The following DOCK3 variants were observed in gnomAD, a reference collection of about 807,000 sequenced individuals.
DOCK3 encodes dedicator of cytokinesis 3, also known as dedicator of cytokinesis protein 3.
DOCK3 carries 60 observed loss-of-function variants against 265.6 expected under a neutral mutation model. That is an observed-to-expected ratio of 0.23 (90% CI 0.18 to 0.28). DOCK3 has a LOEUF of 0.28. Among genes scored for constraint, DOCK3 ranks in the 10% least tolerant of loss-of-function variants. The probability of loss-of-function intolerance (pLI) is 1.00; values close to 1 mark genes in which losing one functional copy is unlikely to be tolerated. For synonymous variants in DOCK3, 881 were observed against 938.0 expected (o/e 0.94, Z 1.11); for missense variants, 1,981 against 2,594.3 (o/e 0.76, Z 5.14).
intron 27 of DOCK3, among the ~76,000 whole-genome samples, chr3:51,294,362 A>G (rs2081955252): frequency 6.6e-6 from 1 of 152,164 alleles, no homozygotes; most frequent in African/African-American, 2.4e-5. Flanking sequence ...ATATGATCTC[A>G]CTTACGTGTA....
intron 5 of DOCK3, among the ~76,000 whole-genome samples, chr3:51,007,341 T>C (rs2078723269): frequency 6.6e-6 from 1 of 152,250 alleles, no homozygotes; most frequent in Admixed American, 6.5e-5. Context: ...TTGTATCTCA[T>C]TGTGGTTTTG....
At chr3:51,185,786 T>C (rs1393459333) in intron 12 of DOCK3, among the ~76,000 whole-genome samples, 2 of 152,196 alleles carry the variant, frequency 1.3e-5, no homozygotes, top group African/African-American at 4.8e-5. Context: ...AGGGAACTTC[T>C]CTGCACAAGC....
At chr3:51,112,326 AG>A (rs2083556560) in intron 9 of DOCK3, among the ~76,000 whole-genome samples, 1 of 152,232 alleles carries the variant, frequency 6.6e-6, no homozygotes, top group East Asian at 1.9e-4. Flanking sequence ...TAAGTAAAAA[AG>A]CCAGACTCAA....
chr3:51,152,634 A>G (rs1408055132), intron 10 of DOCK3, among the ~76,000 whole-genome samples: 2 of 152,048 alleles, frequency 1.3e-5, no homozygotes, highest in South Asian at 2.1e-4. Context: ...TTGTGGTTTT[A>G]TCTAACTTTG....
In DOCK3 at chr3:51,146,647, T is replaced by C; in HGVS notation, c.828+17T>C. ...CTTTTTACAGTATGTACGAATTCTCTTTTTCTTCTTTGCTGTTGACTCTAA... is the reference window on the plus strand; with the variant it reads ...CTTTTTACAGTATGTACGAATTCTCCTTTTCTTCTTTGCTGTTGACTCTAA... On this transcript the variant is annotated intron_variant, in intron 10 of 52. Transcript: ENST00000266037. 1 of 1,563,694 alleles carries C rather than the reference T, an allele frequency of 6.4e-7. No individual in the cohort carries two copies. The highest frequency in any genetic ancestry group is 8.7e-7 in the Non-Finnish European group (1 of 1,152,876).
intron 9 of DOCK3, among the ~76,000 whole-genome samples, chr3:51,146,310 AAC>A (rs1233749720): frequency 8.5e-5 from 13 of 152,176 alleles, no homozygotes; most frequent in Admixed American, 8.5e-4. Flanking sequence ...AAACAGATAA[AAC>A]ACACAGCTAC....
At chr3:50,845,633 C>T (rs898245164) in intron 3 of DOCK3, among the ~76,000 whole-genome samples, 3 of 152,082 alleles carry the variant, frequency 2.0e-5, no homozygotes, top group Admixed American at 6.6e-5. Context: ...ACTTTGGCAA[C>T]AGGGAATCTG....
chr3:51,367,055 T>C (rs1358229332), intron 49 of DOCK3, among the ~76,000 whole-genome samples: 2 of 152,240 alleles, frequency 1.3e-5, no homozygotes, highest in Non-Finnish European at 2.9e-5. Flanking sequence ...GTTAACTTTC[T>C]GTCTCATTGA....
intron 4 of DOCK3, among the ~76,000 whole-genome samples, chr3:50,931,967 C>G (rs1343414385): frequency 6.6e-6 from 1 of 152,180 alleles, no homozygotes; most frequent in African/African-American, 2.4e-5. Flanking sequence ...TGAAACTTTT[C>G]TGCTGGATTC....
intron 1 of DOCK3, among the ~76,000 whole-genome samples, chr3:50,737,610 A>G (rs187130481): frequency 1.3e-4 from 20 of 152,080 alleles, no homozygotes; most frequent in Admixed American, 1.2e-3. Flanking sequence ...AGTTCATTTC[A>G]TTCTTTTCTT....
In DOCK3 at chr3:51,374,293, CA is replaced by C. The variant is rs2087917324; in HGVS notation, c.5294-175del. Among the ~76,000 whole-genome samples, 1 of 152,182 alleles carries C rather than the reference CA, an allele frequency of 6.6e-6. No individual in the cohort carries two copies. The highest frequency in any genetic ancestry group is 2.4e-5 in the African/African-American group (1 of 41,446). The stretch of plus-strand genomic sequence containing the variant: ...CCTTGGCTGGGACATGAGGTGCAGC[CA>C]CTGCCACCATCTAACAACCAGACTC... On this transcript the variant is annotated intron_variant, in intron 49 of 52. Coordinates refer to ENST00000266037, the MANE Select transcript of DOCK3 (RefSeq NM_004947.5). The surrounding 1 kb of genome is among the most constrained non-coding windows in gnomAD (Gnocchi z 4.8).
At chr3:51,140,365 T>C (rs1016168725) in intron 9 of DOCK3, among the ~76,000 whole-genome samples, 2 of 152,242 alleles carry the variant, frequency 1.3e-5, no homozygotes, top group African/African-American at 4.8e-5. Context: ...TGTGGTCTTA[T>C]GTGATTGGCT....
At chr3:51,233,737 G>A (rs921761289) in intron 19 of DOCK3, among the ~76,000 whole-genome samples, 2 of 152,124 alleles carry the variant, frequency 1.3e-5, no homozygotes, top group Admixed American at 6.6e-5. Context: ...GTATTCCTAG[G>A]TATTTTTTGT....
intron 32 of DOCK3, among the ~76,000 whole-genome samples, chr3:51,327,560 A>G (rs1462234891): frequency 1.3e-5 from 2 of 151,998 alleles, no homozygotes; most frequent in Non-Finnish European, 2.9e-5. Context: ...TTGATTTTGC[A>G]TGCATTGATA....
chr3:50,825,245 A>G (rs1178858518), intron 2 of DOCK3, among the ~76,000 whole-genome samples: 1 of 152,226 alleles, frequency 6.6e-6, no homozygotes, highest in Non-Finnish European at 1.5e-5. Context: ...TACAGAGATT[A>G]TAAAATGTCA....
At chr3:51,272,106 C>T (rs1478073649) in intron 24 of DOCK3, among the ~76,000 whole-genome samples, 1 of 152,164 alleles carries the variant, frequency 6.6e-6, no homozygotes, top group Non-Finnish European at 1.5e-5. Context: ...TTCTGCCTTG[C>T]AGGGACAACC....
chr3:51,298,215 G>T (rs563322593), intron 27 of DOCK3, among the ~76,000 whole-genome samples: 1 of 152,170 alleles, frequency 6.6e-6, no homozygotes, highest in East Asian at 1.9e-4. Context: ...TTTCATCTAG[G>T]TTATATAATT....
At chr3:50,693,954 A>C (rs1347618747) in intron 1 of DOCK3, among the ~76,000 whole-genome samples, 1 of 152,050 alleles carries the variant, frequency 6.6e-6, no homozygotes, top group Non-Finnish European at 1.5e-5. Flanking sequence ...GCCTTAAACA[A>C]ATACTTTAAG....
At chr3:50,878,818 C>T (rs1406142107) in intron 3 of DOCK3, among the ~76,000 whole-genome samples, 2 of 152,090 alleles carry the variant, frequency 1.3e-5, no homozygotes, top group African/African-American at 4.8e-5. Flanking sequence ...CTCCATGACA[C>T]ATAATTGTCA....
Sources: gnomAD v4.1 joint callset for allele counts (sites outside exome capture counted in the v4.1 genomes callset) on GRCh38, gnomAD v4.1.1 for gene constraint, Gnocchi (gnomAD v3.1) non-coding constraint, MANE v1.5 for transcripts, NCBI Gene and HGNC (gene_info 2026-07-23, HGNC 2026-07-21) for gene names.